Variants in ARHGEF3 observed in about 807,000 individuals in gnomAD.
ARHGEF3 encodes the protein 59.8 kDA protein.
ARHGEF3 carries 28 observed loss-of-function variants against 63.2 expected under a neutral mutation model. The ratio of observed to expected loss-of-function variants is 0.44; its 90% CI spans 0.33 to 0.61. The LOEUF (loss-of-function observed/expected upper bound fraction) is 0.61. ARHGEF3 is among the 20% of genes least tolerant of loss of function. ARHGEF3 has a pLI of 0.03. For synonymous variants in ARHGEF3, 266 were observed against 254.2 expected, an observed-to-expected ratio of 1.05 and a Z score of -0.44; for missense variants, 533 against 659.3, an observed-to-expected ratio of 0.81 and a Z score of 2.10.
rs143380478 is a variant in ARHGEF3, at chr3:56,943,658, T to C, written c.129+15165A>G. Among the ~76,000 whole-genome samples, 3 of 152,276 alleles carry C rather than the reference T, an allele frequency of 2.0e-5. No homozygotes were observed. In the East Asian group the frequency reaches 5.8e-4, roughly 29 times the overall value. ...GGTCAGGCACAGTGGTTCACAACTG[T>C]AATCCCAGCACTTTGGGAGTACAAG... is the stretch of plus-strand genomic sequence containing the variant. On this transcript the variant is annotated intron_variant, in intron 3 of 12. Coordinates refer to the ARHGEF3 transcript ENST00000338458.
intron 3 of ARHGEF3, among the ~76,000 whole-genome samples, chr3:56,918,977 G>A (rs2042056394): frequency 6.6e-6 from 1 of 152,082 alleles, no homozygotes; most frequent in Admixed American, 6.6e-5. Flanking sequence ...CCCATTTGCT[G>A]GATGCACTGG....
chr3:56,804,676 G>T (rs1291293545), upstream of ARHGEF3, among the ~76,000 whole-genome samples: 2 of 152,224 alleles, frequency 1.3e-5, no homozygotes, highest in Non-Finnish European at 2.9e-5. Context: ...AACTGTCTCA[G>T]AAGAGGTATG....
At chr3:57,059,494 G>C (rs922866592) in intron 1 of ARHGEF3, among the ~76,000 whole-genome samples, 5 of 133,476 alleles carry the variant, frequency 3.7e-5, no homozygotes, top group African/African-American at 1.4e-4. Flanking sequence ...TCTTCCCCGT[G>C]TGTGTATGAG....
At chr3:56,843,347 C>T (rs534669671) in intron 4 of ARHGEF3, among the ~76,000 whole-genome samples, 90 of 152,322 alleles carry the variant, frequency 5.9e-4, no homozygotes, top group African/African-American at 2.0e-3. Flanking sequence ...GCAACCTCTG[C>T]ATCCTGGGCT....
rs188123087 is a variant in ARHGEF3 at position 56,879,524 on chromosome 3, T to A, written c.192+2768A>T. Among the ~76,000 whole-genome samples the A allele has an allele frequency of 6.6e-5, 10 of 152,348 alleles. No individual in the cohort carries two copies. The East Asian group carries it at 1.5e-3, about 23-fold the overall frequency. ...GACCTGTCCCCTCATCTGCAATTTC[T>A]TGTTCAAAGCACACATCTGGCGAAT... On this transcript the variant is annotated intron_variant, in intron 4 of 12. Coordinates refer to the ARHGEF3 transcript ENST00000338458.
chr3:57,035,017 C>A (rs549278067), intron 2 of ARHGEF3: 127 of 1,281,402 alleles, frequency 9.9e-5, no homozygotes, highest in Non-Finnish European at 1.3e-4. Context: ...AGGAAGCCCT[C>A]CATTTCATTT....
intron 1 of ARHGEF3, among the ~76,000 whole-genome samples, chr3:57,077,165 GT>G (rs1458946365): frequency 6.6e-6 from 1 of 152,102 alleles, no homozygotes; most frequent in African/African-American, 2.4e-5. Flanking sequence ...CAGCCTAAAG[GT>G]CTCACCACAG....
At chr3:56,752,876 G>A (rs890723277) in intron 4 of ARHGEF3, among the ~76,000 whole-genome samples, 1 of 152,212 alleles carries the variant, frequency 6.6e-6, no homozygotes, top group African/African-American at 2.4e-5. Context: ...TTAAAAGAAG[G>A]GATGTAGCCT....
chr3:56,802,583 A>T (rs1354966548), upstream of ARHGEF3, among the ~76,000 whole-genome samples: 4 of 152,300 alleles, frequency 2.6e-5, no homozygotes, highest in East Asian at 7.7e-4. Flanking sequence ...CCACCCCCGG[A>T]AAATTCCCTC....
At chr3:56,845,017 G>A (rs2039439117) in intron 4 of ARHGEF3, among the ~76,000 whole-genome samples, 1 of 152,228 alleles carries the variant, frequency 6.6e-6, no homozygotes. Flanking sequence ...AGAAGCAAGA[G>A]GCCATGTTGA....
chr3:56,765,497 G>T (rs899438642), intron 2 of ARHGEF3, among the ~76,000 whole-genome samples: 3 of 152,136 alleles, frequency 2.0e-5, no homozygotes, highest in African/African-American at 7.2e-5. Flanking sequence ...TTATGACCTT[G>T]GACCAAGGGA....
intron 4 of ARHGEF3, among the ~76,000 whole-genome samples, chr3:56,837,336 T>G (rs1670659988): frequency 6.6e-6 from 1 of 152,208 alleles, no homozygotes; most frequent in African/African-American, 2.4e-5. Flanking sequence ...ACCGAGTTCA[T>G]GTAGGATCAA....
chr3:56,812,852 A>G (rs2108009470), intron 4 of ARHGEF3, among the ~76,000 whole-genome samples: 1 of 152,364 alleles, frequency 6.6e-6, no homozygotes, highest in Non-Finnish European at 1.5e-5. Flanking sequence ...CTCCCCTCCT[A>G]GAGCCTTACA....
intron 1 of ARHGEF3, chr3:57,073,541 C>G (rs961011047): frequency 7.6e-7 from 1 of 1,323,390 alleles, no homozygotes; most frequent in East Asian, 2.5e-5. Flanking sequence ...GTTTGAGCAC[C>G]CCGGGATGAT....
At chr3:56,893,670 G>A (rs2041196723) in intron 3 of ARHGEF3, among the ~76,000 whole-genome samples, 1 of 152,008 alleles carries the variant, frequency 6.6e-6, no homozygotes, top group Admixed American at 6.5e-5. Context: ...GCCCGGCATG[G>A]TGGTGTGCCC....
chr3:56,837,393 A>G (rs977375412), intron 4 of ARHGEF3, among the ~76,000 whole-genome samples: 5 of 152,168 alleles, frequency 3.3e-5, no homozygotes, highest in African/African-American at 1.2e-4. Context: ...CCACCAGCTG[A>G]GCTAACTGGA....
intron 2 of ARHGEF3, among the ~76,000 whole-genome samples, chr3:56,967,641 T>C (rs1417756343): frequency 1.1e-5 from 1 of 91,002 alleles, no homozygotes; most frequent in Non-Finnish European, 1.9e-5. Context: ...ATATATATTA[T>C]ATAATATATA....
intron 2 of ARHGEF3, among the ~76,000 whole-genome samples, chr3:56,763,875 G>A (rs1165718517): frequency 6.6e-6 from 1 of 152,002 alleles, no homozygotes; most frequent in Non-Finnish European, 1.5e-5. Flanking sequence ...GCACCTGGCT[G>A]ATTTTTATTT....
intron 1 of ARHGEF3, among the ~76,000 whole-genome samples, chr3:57,068,914 ATC>A (rs1038331506): frequency 2.8e-4 from 41 of 148,986 alleles, no homozygotes; most frequent in African/African-American, 9.9e-4. Context: ...AAGGCAAAAG[ATC>A]TGATTTTTTT....
Sources: gnomAD v4.1 joint callset for allele counts (sites outside exome capture counted in the v4.1 genomes callset) on GRCh38, gnomAD v4.1.1 for gene constraint, MANE v1.5 for transcripts, NCBI Gene and HGNC (gene_info 2026-07-23, HGNC 2026-07-21) for gene names.